Variants in ENDOD1 observed in about 807,000 individuals in gnomAD.
The protein encoded by ENDOD1 is endonuclease domain containing 1, also known as endonuclease domain-containing 1 protein.
Under a neutral mutation model 6.5 loss-of-function variants are expected in ENDOD1, and 9 were observed. The ratio of observed to expected loss-of-function variants is 1.39; its 90% CI spans 0.84 to 2.43. The LOEUF is 2.43. Ranked by LOEUF, ENDOD1 falls within the 30% of genes most tolerant of loss-of-function variation. The pLI is 0.00. For synonymous variants in ENDOD1, 255 were observed against 255.2 expected, an observed-to-expected ratio of 1.00 and a Z score of 0.01; for missense variants, 648 against 635.5, an observed-to-expected ratio of 1.02 and a Z score of -0.21.
intron 1 of ENDOD1, among the ~76,000 whole-genome samples, chr11:95,108,091 G>A (rs575874118): frequency 6.6e-6 from 1 of 152,344 alleles, no homozygotes; most frequent in South Asian, 2.1e-4. Flanking sequence ...CCTTCACACA[G>A]GGCTTTCTTG....
At chr11:95,095,241 A>G (rs1259135887) in intron 1 of ENDOD1, among the ~76,000 whole-genome samples, 3 of 152,274 alleles carry the variant, frequency 2.0e-5, no homozygotes, top group African/African-American at 7.2e-5. Flanking sequence ...GATTGAATGA[A>G]TGGATGGAGG....
intron 1 of ENDOD1, among the ~76,000 whole-genome samples, chr11:95,101,164 C>G (rs1332939658): frequency 1.3e-5 from 2 of 152,134 alleles, no homozygotes; most frequent in Non-Finnish European, 2.9e-5. Context: ...TCTGTTGCTA[C>G]TATTCAACTA....
At chr11:95,119,243 G>A (rs1859239806) in intron 1 of ENDOD1, among the ~76,000 whole-genome samples, 1 of 152,194 alleles carries the variant, frequency 6.6e-6, no homozygotes, top group Non-Finnish European at 1.5e-5. Context: ...GTCTGTGTCT[G>A]GGCATTGAAG....
In ENDOD1 at chr11:95,128,638, C is replaced by T. The variant is rs761477477; in HGVS notation, c.562C>T (p.Pro188Ser). 6 of 1,614,162 alleles carry T rather than the reference C, an allele frequency of 3.7e-6. No individual in the cohort carries two copies. In the East Asian group the frequency reaches 1.3e-4, roughly 36 times the overall value. ...LHSLMDRALT[P>S]QCGSGEDLYI... ...CAGCCTAATGGACCGGGCTTTGACC[C>T]CACAGTGTGGCAGTGGGGAAGACCT... Residue 188 changes from proline to serine, a missense_variant, in exon 2 of 2, where the codon CCA becomes TCA. Pro to Ser is a moderately conservative substitution (Grantham distance 74). Transcript: ENST00000278505.
intron 1 of ENDOD1, among the ~76,000 whole-genome samples, chr11:95,116,854 G>A (rs1859214272): frequency 1.3e-5 from 2 of 152,158 alleles, no homozygotes; most frequent in African/African-American, 4.8e-5. Context: ...AAAGATGCTT[G>A]GCATTATTTC....
intron 1 of ENDOD1, among the ~76,000 whole-genome samples, chr11:95,096,089 T>G (rs782328935): frequency 4.6e-5 from 7 of 152,206 alleles, no homozygotes; most frequent in Non-Finnish European, 1.0e-4. Flanking sequence ...ATTTTATTCT[T>G]TGGGCATAAA....
Position 95,129,410 on chromosome 11 carries a change from T to G in ENDOD1, c.1334T>G (p.Met445Arg), listed in dbSNP as rs1262971298. Residue 445 changes from methionine to arginine, a missense_variant, in exon 2 of 2, where the codon ATG becomes AGG. Coordinates refer to ENST00000278505, the MANE Select transcript of ENDOD1 (RefSeq NM_015036.3). ...VDVATFPVYT[M>R]GAIPIVCKDI... is the part of the protein sequence containing the mutation. ...GTGGCCACTTTCCCTGTGTACACCATGGGCGCTATTCCAATTGTTTGCAAG... is the reference window on the plus strand; with the variant it reads ...GTGGCCACTTTCCCTGTGTACACCAGGGGCGCTATTCCAATTGTTTGCAAG... The G allele has an allele frequency of 6.2e-7, 1 of 1,614,202 alleles. No homozygotes were observed. Among genetic ancestry groups the G allele is most frequent in the South Asian group, 1.1e-5 (1 of 91,092 alleles).
intron 1 of ENDOD1, among the ~76,000 whole-genome samples, chr11:95,106,942 A>T (rs555137344): frequency 6.6e-6 from 1 of 151,952 alleles, no homozygotes; most frequent in Non-Finnish European, 1.5e-5. Flanking sequence ...TGCATTTTTG[A>T]CAGCCACTGC....
intron 1 of ENDOD1, among the ~76,000 whole-genome samples, chr11:95,106,897 A>G (rs1859094583): frequency 6.6e-6 from 1 of 152,094 alleles, no homozygotes; most frequent in Non-Finnish European, 1.5e-5. Flanking sequence ...AGACATACTG[A>G]ATAGAATGTA....
In ENDOD1 at chr11:95,105,042, A is replaced by T. The variant is rs149743179; in HGVS notation, c.300+14815A>T. Among the ~76,000 whole-genome samples the T allele has an allele frequency of 6.8e-4, 103 of 152,270 alleles. 2 individuals are homozygous for T. The highest frequency in any genetic ancestry group is 2.4e-3 in the African/African-American group (98 of 41,552). ...GGTCATGTGTAAGAAATGCTACTCT[A>T]TCAGAGACAGTGTTAGAAATACTTG... is the stretch of plus-strand genomic sequence containing the variant. On this transcript the variant is annotated intron_variant, in intron 1 of 1. Coordinates refer to ENST00000278505, the MANE Select transcript of ENDOD1 (RefSeq NM_015036.3).
At chr11:95,108,534 C>CACACACACACACACAAA (rs1176686943) in intron 1 of ENDOD1, among the ~76,000 whole-genome samples, 1 of 141,756 alleles carries the variant, frequency 7.1e-6, no homozygotes, top group African/African-American at 2.5e-5. Context: ...CACAGACACC[C>CACACACACACACACAAA]AAAAAAAGAA....
intron 1 of ENDOD1, among the ~76,000 whole-genome samples, chr11:95,102,743 CA>C (rs1348818514): frequency 6.6e-6 from 1 of 152,110 alleles, no homozygotes; most frequent in Non-Finnish European, 1.5e-5. Flanking sequence ...AGGTTGGATA[CA>C]AAAATGAGAG....
At chr11:95,113,920 T>A (rs1451889453) in intron 1 of ENDOD1, among the ~76,000 whole-genome samples, 2 of 152,230 alleles carry the variant, frequency 1.3e-5, no homozygotes, top group Non-Finnish European at 2.9e-5. Context: ...TTCTGCATCT[T>A]TACCAGCATT....
At chr11:95,127,212 G>A (rs752915915) in intron 1 of ENDOD1, among the ~76,000 whole-genome samples, 1 of 152,182 alleles carries the variant, frequency 6.6e-6, no homozygotes, top group Non-Finnish European at 1.5e-5. Context: ...GAATTTACAA[G>A]TTAGTTTGGG....
chr11:95,117,567 A>G lies in ENDOD1; in HGVS notation c.301-10810A>G, dbSNP rs148969850. Among the ~76,000 whole-genome samples, 23 of 152,328 alleles carry G rather than the reference A, an allele frequency of 1.5e-4. No homozygotes were observed. In the East Asian group the frequency reaches 4.2e-3, roughly 28 times the overall value. ...TGTCCTGAAATCTGTGTTGTCTGATATAAGCATAGTGACTCCTGCTCTTTT... is the reference window on the plus strand; with the variant it reads ...TGTCCTGAAATCTGTGTTGTCTGATGTAAGCATAGTGACTCCTGCTCTTTT... On this transcript the variant is annotated intron_variant, in intron 1 of 1. Coordinates refer to ENST00000278505, the MANE Select transcript of ENDOD1 (RefSeq NM_015036.3).
In ENDOD1 at chr11:95,132,341, G is replaced by C. The variant is rs192143755; in HGVS notation, c.*2762G>C. The C allele has an allele frequency of 6.5e-6, 1 of 152,744 alleles. No individual in the cohort carries two copies. The highest frequency in any genetic ancestry group is 1.9e-4 in the East Asian group (1 of 5,192). 9.5% of individuals were successfully genotyped at this position (152,744 alleles called of 1,614,324 possible). ...CCATCCTTCATTTATTCAGTCATTC[G>C]TTCATCTGTCAAACACGTATTTGGA... On this transcript the variant is annotated 3_prime_UTR_variant, in exon 2 of 2. Coordinates refer to ENST00000278505, the MANE Select transcript of ENDOD1 (RefSeq NM_015036.3).
chr11:95,108,719 T>A (rs1859118509), intron 1 of ENDOD1, among the ~76,000 whole-genome samples: 1 of 152,088 alleles, frequency 6.6e-6, no homozygotes, highest in Admixed American at 6.5e-5. Context: ...CAAATGTCCT[T>A]AATCTGCTGT....
Position 95,128,387 on chromosome 11 carries a change from C to T in ENDOD1, c.311C>T (p.Pro104Leu), listed in dbSNP as rs772394084. 1 of 1,612,678 alleles carries T rather than the reference C, an allele frequency of 6.2e-7. No individual in the cohort carries two copies. ...RWLVEPQIDD[P>L]NSNLEEAINE... is the part of the protein sequence containing the mutation. Reference sequence around the variant, plus strand: ...GTTTTCTTCTTGCAGATCGATGACCCCAACAGCAACCTTGAGGAGGCGATT... The same window carrying T: ...GTTTTCTTCTTGCAGATCGATGACCTCAACAGCAACCTTGAGGAGGCGATT... Residue 104 changes from proline (P) to leucine (L), a missense_variant, in exon 2 of 2, where the codon CCC becomes CTC. Pro to Leu is a moderately conservative substitution (Grantham distance 98). Transcript: ENST00000278505.
chr11:95,124,501 T>C (rs73528779), intron 1 of ENDOD1, among the ~76,000 whole-genome samples: 6,134 of 152,220 alleles, frequency 0.04, 157 homozygotes, highest in Non-Finnish European at 0.051. Flanking sequence ...AACATGGATA[T>C]GAGGTTCTGA....
Sources: gnomAD v4.1 joint callset for allele counts (sites outside exome capture counted in the v4.1 genomes callset) on GRCh38, gnomAD v4.1.1 for gene constraint, MANE v1.5 for transcripts, NCBI Gene and HGNC (gene_info 2026-07-23, HGNC 2026-07-21) for gene names.